ERC2: variants seen among roughly 807,000 people sequenced by gnomAD.
ERC2 encodes the protein ELKS/RAB6-interacting/CAST family member 2.
ERC2 carries 42 observed loss-of-function variants against 114.8 expected under a neutral mutation model. The observed-to-expected ratio is 0.37, with a 90% CI of 0.29 to 0.47. The LOEUF (loss-of-function observed/expected upper bound fraction) is 0.47, where lower values mean the gene tolerates loss of function less well. ERC2 is among the 20% of genes least tolerant of loss of function. The pLI is 0.99. For missense variants in ERC2, 939 were observed against 1,150.7 expected (o/e 0.82, Z 2.66); for synonymous variants, 454 against 425.5 (o/e 1.07, Z -0.82).
At chr3:56,246,322 C>T (rs993012629) in intron 3 of ERC2, among the ~76,000 whole-genome samples, 3 of 152,098 alleles carry the variant, frequency 2.0e-5, no homozygotes, top group Non-Finnish European at 4.4e-5. Flanking sequence ...GCATCCCTGG[C>T]CTCCACCCAC....
intron 14 of ERC2, among the ~76,000 whole-genome samples, chr3:55,827,018 C>T (rs2060352019): frequency 6.6e-6 from 1 of 152,186 alleles, no homozygotes; most frequent in Non-Finnish European, 1.5e-5. Context: ...ACTGACAATG[C>T]CCTCCTTTAC....
chr3:56,169,987 T>C (rs560157752), intron 4 of ERC2, among the ~76,000 whole-genome samples: 10 of 152,128 alleles, frequency 6.6e-5, no homozygotes, highest in African/African-American at 2.4e-4. Flanking sequence ...TTATTGACAG[T>C]TATCCACAAG....
At chr3:56,094,208 T>A (rs148786639) in intron 6 of ERC2, among the ~76,000 whole-genome samples, 1 of 152,234 alleles carries the variant, frequency 6.6e-6, no homozygotes, top group East Asian at 1.9e-4. Context: ...AAGGTTTGAG[T>A]GTGGCAAAAT....
chr3:56,012,399 A>C (rs1444158247), intron 8 of ERC2, among the ~76,000 whole-genome samples: 1 of 152,090 alleles, frequency 6.6e-6, no homozygotes, highest in African/African-American at 2.4e-5. Flanking sequence ...GGCAGCCTTC[A>C]CGTGGTTTCA....
At chr3:55,602,699 A>G (rs4955859) in intron 17 of ERC2, among the ~76,000 whole-genome samples, 1 of 151,714 alleles carries the variant, frequency 6.6e-6, no homozygotes, top group Admixed American at 6.6e-5. Context: ...CCCCCTTCCC[A>G]TGCTACCACA....
chr3:56,247,263 G>A (rs1453462644), intron 3 of ERC2, among the ~76,000 whole-genome samples: 3 of 151,986 alleles, frequency 2.0e-5, no homozygotes. Flanking sequence ...TTAAAAGTTA[G>A]AATTATAGAA....
At chr3:56,052,678 C>T (rs750106947) in intron 7 of ERC2, among the ~76,000 whole-genome samples, 3 of 152,052 alleles carry the variant, frequency 2.0e-5, no homozygotes, top group Non-Finnish European at 4.4e-5. Flanking sequence ...AGGTAGTTAT[C>T]GCAGCTACAA....
At chr3:56,051,865 A>G (rs532914691) in intron 7 of ERC2, among the ~76,000 whole-genome samples, 2 of 148,306 alleles carry the variant, frequency 1.3e-5, no homozygotes, top group African/African-American at 2.6e-5. Context: ...ACACACACAC[A>G]CACACACACA....
chr3:56,188,123 G>A (rs1246567545), intron 3 of ERC2, among the ~76,000 whole-genome samples: 1 of 152,144 alleles, frequency 6.6e-6, no homozygotes, highest in Non-Finnish European at 1.5e-5. Flanking sequence ...TCCCTGAGGT[G>A]TCTTCTTGAA....
At chr3:55,948,109 A>G (rs963428331) in intron 13 of ERC2, among the ~76,000 whole-genome samples, 6 of 152,210 alleles carry the variant, frequency 3.9e-5, no homozygotes, top group Non-Finnish European at 8.8e-5. Flanking sequence ...CTCTATCTTC[A>G]TTCAACTTTG....
intron 17 of ERC2, among the ~76,000 whole-genome samples, chr3:55,607,143 G>A (rs959084605): frequency 3.9e-5 from 6 of 152,130 alleles, no homozygotes; most frequent in South Asian, 2.1e-4. Flanking sequence ...TGGAGATATC[G>A]TAGTGACAAA....
intron 16 of ERC2, among the ~76,000 whole-genome samples, chr3:55,691,939 C>G (rs553033089): frequency 1.3e-5 from 2 of 152,216 alleles, no homozygotes; most frequent in South Asian, 4.1e-4. Context: ...GTCGTCAGTT[C>G]ATCTGACATA....
intron 7 of ERC2, among the ~76,000 whole-genome samples, chr3:56,032,537 C>T (rs35751923): frequency 0.27 from 41,609 of 151,796 alleles, 6,271 homozygotes; most frequent in Admixed American, 0.34. Context: ...TATTCAGATC[C>T]GTGAAGCCAA....
chr3:56,310,417 C>T (rs1162351725), intron 2 of ERC2, among the ~76,000 whole-genome samples: 1 of 152,094 alleles, frequency 6.6e-6, no homozygotes, highest in East Asian at 1.9e-4. Flanking sequence ...AATTTCCTTC[C>T]CTGTCACTTC....
intron 3 of ERC2, among the ~76,000 whole-genome samples, chr3:56,229,452 T>A (rs974717769): frequency 6.6e-6 from 1 of 152,154 alleles, no homozygotes; most frequent in South Asian, 2.1e-4. Flanking sequence ...TTAATAAATA[T>A]CCAACCGGAA....
At chr3:55,999,409 T>C (rs1306056070) in intron 10 of ERC2, among the ~76,000 whole-genome samples, 1 of 152,090 alleles carries the variant, frequency 6.6e-6, no homozygotes, top group Non-Finnish European at 1.5e-5. Context: ...GAAATAAAAA[T>C]ACTTGCAGAA....
rs984973782 is a variant in ERC2, at chr3:55,969,393, ACAC to A, written c.2267+16581_2267+16583del. Reference sequence around the variant, plus strand: ...CGCTGGTCAGGAATTTTATACACATACACACACACACACACACACACACACACA... The same window carrying A: ...CGCTGGTCAGGAATTTTATACACATAACACACACACACACACACACACACA... On this transcript the variant is annotated intron_variant, in intron 12 of 17. Coordinates refer to ENST00000288221, the MANE Select transcript of ERC2 (RefSeq NM_015576.3). 9.4e-4 allele frequency among the ~76,000 whole-genome samples: 3 copies of A among 3,196 alleles called. No homozygotes were observed. In the Non-Finnish European group the frequency reaches 0.021, roughly 23 times the overall value. The allele number at this position is 3,196 out of a possible 152,430, so 2.1% of individuals were successfully genotyped here. A position where few individuals can be genotyped will look rare whatever the true frequency, so the allele number is the denominator to read the frequency against.
intron 2 of ERC2, 141 bp downstream of exon 2, chr3:56,434,210 T>A: frequency 1.5e-6 from 1 of 687,256 alleles, no homozygotes; most frequent in East Asian, 2.7e-5. Context: ...TCTCATAGTG[T>A]CTAAGTCAAA....
At chr3:55,737,748 C>G (rs1183663661) in intron 14 of ERC2, among the ~76,000 whole-genome samples, 1 of 152,122 alleles carries the variant, frequency 6.6e-6, no homozygotes, top group African/African-American at 2.4e-5. Flanking sequence ...CTATGAGTCT[C>G]TCATGTTTCT....
Sources: allele counts gnomAD v4.1 joint callset (sites outside exome capture counted in the v4.1 genomes callset), GRCh38; gene constraint gnomAD v4.1.1; transcripts MANE v1.5; gene names NCBI Gene and HGNC (gene_info 2026-07-23, HGNC 2026-07-21).